The following PRKACB variants were observed in gnomAD, a reference collection of about 807,000 sequenced individuals.
PRKACB encodes protein kinase cAMP-activated catalytic subunit beta.
A neutral mutation model predicts 51.4 loss-of-function variants in PRKACB; 16 were observed. That is an observed-to-expected ratio of 0.31 (90% CI 0.21 to 0.47). The LOEUF (loss-of-function observed/expected upper bound fraction) is 0.47, where lower values mean the gene tolerates loss of function less well. PRKACB is among the 20% of genes least tolerant of loss of function. The pLI is 1.00. For synonymous variants in PRKACB, 147 were observed against 154.4 expected, an observed-to-expected ratio of 0.95 and a Z score of 0.35; for missense variants, 309 against 464.5, an observed-to-expected ratio of 0.67 and a Z score of 3.08.
chr1:84,096,461 C>G (rs1021820845), intron 1 of PRKACB, among the ~76,000 whole-genome samples: 1 of 151,992 alleles, frequency 6.6e-6, no homozygotes, highest in African/African-American at 2.4e-5. Context: ...ATTTTTTTCC[C>G]TTGTCAGCCA....
At chr1:84,196,787 A>G (rs1019634910) in intron 6 of PRKACB, 45 bp downstream of exon 6, 1 of 1,535,236 alleles carries the variant, frequency 6.5e-7, no homozygotes, top group African/African-American at 1.4e-5. Context: ...AGAAAATACT[A>G]GGCAAGACAT....
intron 9 of PRKACB, among the ~76,000 whole-genome samples, chr1:84,219,926 A>C (rs1024098932): frequency 6.6e-6 from 1 of 151,946 alleles, no homozygotes; most frequent in Non-Finnish European, 1.5e-5. Flanking sequence ...TCCTTTGGCT[A>C]TTCAGGCTCT....
intron 5 of PRKACB, among the ~76,000 whole-genome samples, chr1:84,191,532 A>T (rs1346353503): frequency 6.6e-6 from 1 of 152,166 alleles, no homozygotes; most frequent in East Asian, 1.9e-4. Context: ...TTGCAGCAAC[A>T]TAGAAGCTGC....
At chr1:84,098,492 A>G (rs1381362179) in intron 1 of PRKACB, among the ~76,000 whole-genome samples, 1 of 152,092 alleles carries the variant, frequency 6.6e-6, no homozygotes, top group African/African-American at 2.4e-5. Flanking sequence ...GTCTCAGAGC[A>G]GTAGAAAGCA....
intron 1 of PRKACB, among the ~76,000 whole-genome samples, chr1:84,104,816 AC>A (rs1290279317): frequency 2.0e-5 from 3 of 151,846 alleles, no homozygotes; most frequent in East Asian, 1.9e-4. Context: ...GCCCTCTGGA[AC>A]CCTTTTTCTA....
At chr1:84,105,358 G>A (rs1649653149) in intron 1 of PRKACB, among the ~76,000 whole-genome samples, 1 of 151,918 alleles carries the variant, frequency 6.6e-6, no homozygotes, top group South Asian at 2.1e-4. Context: ...AAGTCATTCT[G>A]ACATCGAGGC....
chr1:84,083,386 A>C (rs1348685664), intron 1 of PRKACB, among the ~76,000 whole-genome samples: 1 of 151,520 alleles, frequency 6.6e-6, no homozygotes, highest in Non-Finnish European at 1.5e-5. Context: ...TTCAGGAACC[A>C]TTTTTCTTAT....
intron 1 of PRKACB, among the ~76,000 whole-genome samples, chr1:84,109,117 T>A (rs1252687182): frequency 6.6e-6 from 1 of 152,008 alleles, no homozygotes; most frequent in Non-Finnish European, 1.5e-5. Flanking sequence ...AATGTTCCAT[T>A]GTGTGAATAT....
intron 3 of PRKACB, 46 bp from the exon 4 acceptor site, chr1:84,183,991 T>C (rs1368085128): frequency 6.8e-7 from 1 of 1,475,122 alleles, no homozygotes; most frequent in African/African-American, 1.4e-5. Flanking sequence ...GATAACTTTT[T>C]AATTTTGCTT....
chr1:84,196,881 G>T, intron 6 of PRKACB, 139 bp downstream of exon 6: 2 of 937,986 alleles, frequency 2.1e-6, no homozygotes, highest in Non-Finnish European at 3.1e-6. Context: ...GAGTTTTGCT[G>T]CTATTACAGA....
chr1:84,142,073 T>C (rs374877739), upstream of PRKACB, among the ~76,000 whole-genome samples: 102 of 152,260 alleles, frequency 6.7e-4, no homozygotes, highest in African/African-American at 2.3e-3. Flanking sequence ...TCAAACATTT[T>C]CAAGTATTCG....
At chr1:84,122,604 C>T (rs1409916175) in intron 1 of PRKACB, among the ~76,000 whole-genome samples, 1 of 152,042 alleles carries the variant, frequency 6.6e-6, no homozygotes, top group African/African-American at 2.4e-5. Context: ...TTTACCTTGC[C>T]ATTATATAGT....
chr1:84,211,492 T>C (rs1188529977), intron 8 of PRKACB, among the ~76,000 whole-genome samples: 1 of 152,188 alleles, frequency 6.6e-6, no homozygotes, highest in African/African-American at 2.4e-5. Context: ...GTGTGCCTTT[T>C]GAAAACCCCT....
chr1:84,186,973 A>G (rs991366788), intron 5 of PRKACB, among the ~76,000 whole-genome samples: 4 of 152,218 alleles, frequency 2.6e-5, no homozygotes, highest in African/African-American at 9.6e-5. Context: ...GATAGGCACT[A>G]AGAACAAAGC....
intron 1 of PRKACB, among the ~76,000 whole-genome samples, chr1:84,132,934 A>G (rs1358057948): frequency 1.3e-5 from 2 of 151,754 alleles, no homozygotes; most frequent in Non-Finnish European, 2.9e-5. Context: ...CCAGAAGAAG[A>G]AGGAAGAAAA....
intron 1 of PRKACB, among the ~76,000 whole-genome samples, chr1:84,113,512 C>T (rs566104272): frequency 1.3e-5 from 2 of 152,094 alleles, no homozygotes; most frequent in Non-Finnish European, 2.9e-5. Context: ...ATGTGCACTT[C>T]TAGAAAAATA....
chr1:84,175,710 GA>G, intron 1 of PRKACB: 1 of 1,230,884 alleles, frequency 8.1e-7, no homozygotes, highest in South Asian at 1.6e-5. Context: ...ATGAACTTGT[GA>G]AAATGCATAA....
At chr1:84,178,871 C>T in intron 1 of PRKACB, 1 of 177,388 alleles carries the variant, frequency 5.6e-6, no homozygotes, top group Non-Finnish European at 1.2e-5. Flanking sequence ...CTATTTTGTC[C>T]TAAATTAATT....
In PRKACB at chr1:84,086,105, G is replaced by A. The variant is rs537011695; in HGVS notation, c.46+7734G>A. 74 of 1,475,138 alleles carry A rather than the reference G, an allele frequency of 5.0e-5. No homozygotes were observed. In the Middle Eastern group the frequency reaches 8.8e-4, roughly 17 times the overall value. The allele number at this position is 1,475,138 out of a possible 1,614,324, so 91.4% of individuals were successfully genotyped here. ...GTATATTGATGACCACACAGACCTCGCCATTGAGTATGAGGTGTTGGTGGT... is the reference window on the plus strand; with the variant it reads ...GTATATTGATGACCACACAGACCTCACCATTGAGTATGAGGTGTTGGTGGT... On this transcript the variant is annotated intron_variant, in intron 1 of 8. Coordinates refer to the PRKACB transcript ENST00000370688.
Sources: allele counts gnomAD v4.1 joint callset (sites outside exome capture counted in the v4.1 genomes callset), GRCh38; gene constraint gnomAD v4.1.1; transcripts MANE v1.5; gene names NCBI Gene and HGNC (gene_info 2026-07-23, HGNC 2026-07-21).